HYDIN: variants seen among roughly 807,000 people sequenced by gnomAD.
HYDIN encodes the protein axonemal central pair apparatus protein HYDIN.
A neutral mutation model predicts 403.9 loss-of-function variants in HYDIN; 132 were observed. The ratio of observed to expected loss-of-function variants is 0.33; its 90% confidence interval spans 0.28 to 0.38. The LOEUF is 0.38. Among genes scored for constraint, HYDIN ranks in the 10% least tolerant of loss-of-function variants. The pLI is 1.00. For missense variants in HYDIN, 2,827 were observed against 5,009.5 expected (o/e 0.56, Z 13.15); for synonymous variants, 1,202 against 1,891.7 (o/e 0.64, Z 9.46).
At chr16:70,858,968 G>A (rs2039212827) in intron 71 of HYDIN, among the ~76,000 whole-genome samples, 1 of 150,896 alleles carries the variant, frequency 6.6e-6, no homozygotes. Flanking sequence ...AAAAAAAAAT[G>A]AACTAGCTAC....
intron 23 of HYDIN, among the ~76,000 whole-genome samples, chr16:70,998,639 C>T (rs1422977864): frequency 7.3e-6 from 1 of 136,416 alleles, no homozygotes. Context: ...ATCCATCCTT[C>T]CTTCCTTCCT....
chr16:71,222,738 G>A (rs968342975), intron 1 of HYDIN, among the ~76,000 whole-genome samples: 1 of 151,886 alleles, frequency 6.6e-6, no homozygotes, highest in South Asian at 2.1e-4. Flanking sequence ...TACAACAGCT[G>A]CAAAAAAATA....
intron 81 of HYDIN, 23 bp downstream of exon 81, chr16:70,829,595 G>C: frequency 6.3e-7 from 1 of 1,599,426 alleles, no homozygotes; most frequent in Non-Finnish European, 8.6e-7. Context: ...GAAACCAATG[G>C]GGGTGGGGGG....
At chr16:71,025,159 T>C (rs1330640886) in intron 21 of HYDIN, among the ~76,000 whole-genome samples, 5 of 152,142 alleles carry the variant, frequency 3.3e-5, no homozygotes, top group Admixed American at 3.3e-4. Context: ...GTCTTAGACA[T>C]CAGGAATGAT....
chr16:70,857,961 A>C, intron 71 of HYDIN, 91 bp from the exon 72 acceptor site: 1 of 1,122,464 alleles, frequency 8.9e-7, no homozygotes, highest in Non-Finnish European at 1.2e-6. Context: ...GAGGGTCATG[A>C]GAGTTGATGT....
At chr16:70,930,470 G>A (rs28501986) in intron 45 of HYDIN, among the ~76,000 whole-genome samples, 2 of 151,678 alleles carry the variant, frequency 1.3e-5, no homozygotes, top group Non-Finnish European at 2.9e-5. Context: ...GACTGAGTGA[G>A]ACTCTGTCTC....
chr16:70,971,045 T>C (rs530839865), intron 35 of HYDIN, among the ~76,000 whole-genome samples: 1 of 152,324 alleles, frequency 6.6e-6, no homozygotes, highest in South Asian at 2.1e-4. Flanking sequence ...TGAGTATCAC[T>C]TTCACATCCC....
At chr16:71,027,451 C>T in intron 20 of HYDIN, 151 bp downstream of exon 20, 6 of 1,518,612 alleles carry the variant, frequency 4.0e-6, no homozygotes, top group Non-Finnish European at 4.4e-6. Context: ...CCGAAAGCAA[C>T]GGATGCTACT....
At chr16:71,177,133 T>G (rs2144644096) in intron 4 of HYDIN, among the ~76,000 whole-genome samples, 1 of 152,322 alleles carries the variant, frequency 6.6e-6, no homozygotes, top group Middle Eastern at 3.4e-3. Context: ...CTGCATCTTA[T>G]CAAGAGATGT....
chr16:70,972,775 T>C (rs940698348), intron 35 of HYDIN, among the ~76,000 whole-genome samples: 2 of 152,218 alleles, frequency 1.3e-5, no homozygotes, highest in African/African-American at 4.8e-5. Flanking sequence ...CTATGTTACC[T>C]AATACCCTCA....
At chr16:70,986,256 T>C (rs1235211372) in intron 27 of HYDIN, among the ~76,000 whole-genome samples, 6 of 146,964 alleles carry the variant, frequency 4.1e-5, no homozygotes, top group Middle Eastern at 3.5e-3. Context: ...CCAGTCATGT[T>C]CTTTTTCCTG....
chr16:70,946,385 G>C (rs2077862437), intron 41 of HYDIN, among the ~76,000 whole-genome samples: 1 of 150,534 alleles, frequency 6.6e-6, no homozygotes, highest in Non-Finnish European at 1.5e-5. Flanking sequence ...ATCTTGAATA[G>C]ATGCAGAGCT....
At chr16:71,170,728 G>GT (rs2086429031) in intron 5 of HYDIN, among the ~76,000 whole-genome samples, 1 of 152,092 alleles carries the variant, frequency 6.6e-6, no homozygotes, top group South Asian at 2.1e-4. Flanking sequence ...AGTGACTGTG[G>GT]TTTTTTAGGC....
chr16:71,018,661 G>T (rs975012771), intron 22 of HYDIN, among the ~76,000 whole-genome samples: 1 of 150,998 alleles, frequency 6.6e-6, no homozygotes, highest in Non-Finnish European at 1.5e-5. Flanking sequence ...TCTAAGTATA[G>T]ACACTTATGT....
Position 70,936,202 on chromosome 16 carries a change from TG to T in HYDIN, c.6996-89del, listed in dbSNP as rs2077488656. The T allele has an allele frequency of 4.6e-6, 6 of 1,307,188 alleles. No homozygotes were observed. The East Asian group carries it at 1.4e-4, about 30-fold the overall frequency. The allele number at this position is 1,307,188 out of a possible 1,614,324, so 81.0% of individuals were successfully genotyped here. A position where few individuals can be genotyped will look rare whatever the true frequency, so the allele number is the denominator to read the frequency against. On this transcript the variant is annotated intron_variant, in intron 44 of 85. Transcript: ENST00000393567. ...CTGGGATTTCCAGGTGTAGGGACAT[TG>T]GGCAGAGCTTTCTTGGGCATAAAAA...
intron 4 of HYDIN, chr16:71,175,987 T>C: frequency 2.0e-6 from 1 of 492,630 alleles, no homozygotes; most frequent in Admixed American, 3.2e-5. Flanking sequence ...TTACAAGTCT[T>C]TGTTCATTTT....
chr16:71,045,266 T>G (rs1212203834), intron 18 of HYDIN, among the ~76,000 whole-genome samples: 2 of 152,210 alleles, frequency 1.3e-5, no homozygotes, highest in Non-Finnish European at 2.9e-5. Context: ...CCCCAGTTTC[T>G]CAAACTCATG....
intron 1 of HYDIN, among the ~76,000 whole-genome samples, chr16:71,193,712 C>T (rs1234487992): frequency 1.3e-5 from 2 of 152,148 alleles, no homozygotes; most frequent in Non-Finnish European, 2.9e-5. Flanking sequence ...TTAGTGAATG[C>T]TTCCAGATGC....
chr16:71,115,496 T>G (rs941858567), intron 10 of HYDIN, among the ~76,000 whole-genome samples, 200 bp downstream of exon 10: 1 of 152,146 alleles, frequency 6.6e-6, no homozygotes, highest in African/African-American at 2.4e-5. Context: ...GTAAAGCACT[T>G]TAAAGTTTGA....
Sources: allele counts gnomAD v4.1 joint callset (sites outside exome capture counted in the v4.1 genomes callset), GRCh38; gene constraint gnomAD v4.1.1; transcripts MANE v1.5; gene names NCBI Gene and HGNC (gene_info 2026-07-23, HGNC 2026-07-21).